Variants in VPS8 observed in about 807,000 individuals in gnomAD.
VPS8 encodes vacuolar protein sorting-associated protein 8 homolog.
VPS8 carries 129 observed loss-of-function variants against 216.4 expected under a neutral mutation model. The ratio of observed to expected loss-of-function variants is 0.60; its 90% CI spans 0.52 to 0.69. The LOEUF is 0.69. Among genes scored for constraint, VPS8 ranks in the 30% least tolerant of loss-of-function variants. VPS8 has a pLI of 0.00. For missense variants in VPS8, 1,531 were observed against 1,683.5 expected, an observed-to-expected ratio of 0.91 and a Z score of 1.59; for synonymous variants, 571 against 565.4, an observed-to-expected ratio of 1.01 and a Z score of -0.14.
At chr3:184,995,340 T>C (rs1752478339) in intron 43 of VPS8, among the ~76,000 whole-genome samples, 1 of 152,142 alleles carries the variant, frequency 6.6e-6, no homozygotes, top group South Asian at 2.1e-4. Flanking sequence ...TCTTAGAATG[T>C]TGTAAGAATT....
intron 31 of VPS8, among the ~76,000 whole-genome samples, chr3:184,927,993 C>T (rs1335583177): frequency 1.3e-5 from 2 of 152,182 alleles, no homozygotes; most frequent in Non-Finnish European, 2.9e-5. Context: ...ATTGTTTCCA[C>T]CCTTTGGCTA....
chr3:184,902,445 T>C (rs1035831009), intron 25 of VPS8, among the ~76,000 whole-genome samples: 5 of 151,722 alleles, frequency 3.3e-5, no homozygotes, highest in African/African-American at 1.2e-4. Context: ...CACTTGCCAC[T>C]GCTCTCCAGC....
chr3:184,912,345 T>C (rs931602698), intron 25 of VPS8, among the ~76,000 whole-genome samples: 2 of 152,196 alleles, frequency 1.3e-5, no homozygotes, highest in Non-Finnish European at 2.9e-5. Context: ...AGTCTTATCT[T>C]TGTCCAGTGC....
At chr3:184,961,918 CA>C (rs1746600568) in intron 37 of VPS8, among the ~76,000 whole-genome samples, 1 of 152,154 alleles carries the variant, frequency 6.6e-6, no homozygotes, top group African/African-American at 2.4e-5. Context: ...AGGTGCACAC[CA>C]CCGTGCTAAT....
chr3:184,894,641 A>G (rs1039530788), intron 22 of VPS8, 62 bp from the exon 23 acceptor site: 4 of 1,278,336 alleles, frequency 3.1e-6, no homozygotes, highest in Admixed American at 4.4e-5. Context: ...TATTTGGGAG[A>G]CTAAATTTAA....
At chr3:184,867,484 T>C (rs1236646290) in intron 17 of VPS8, among the ~76,000 whole-genome samples, 2 of 152,212 alleles carry the variant, frequency 1.3e-5, no homozygotes, top group Non-Finnish European at 2.9e-5. Context: ...GCTTGGGCTT[T>C]CCTTGCTTCT....
chr3:184,846,690 A>C (rs970562072), intron 8 of VPS8, among the ~76,000 whole-genome samples: 3 of 152,266 alleles, frequency 2.0e-5, no homozygotes, highest in African/African-American at 7.2e-5. Context: ...TCCAAACTCC[A>C]GGGTATGAAA....
chr3:185,024,459 T>C, intron 46 of VPS8, 70 bp downstream of exon 46: 1 of 1,438,098 alleles, frequency 7.0e-7, no homozygotes, highest in African/African-American at 1.4e-5. Context: ...TGGAACAATA[T>C]TCTCAACATG....
chr3:185,025,176 G>A (rs1227561977), intron 46 of VPS8, among the ~76,000 whole-genome samples: 1 of 152,080 alleles, frequency 6.6e-6, no homozygotes, highest in Admixed American at 6.6e-5. Context: ...CCACAGATAG[G>A]GTATGACTGA....
chr3:184,910,043 C>T (rs900888638), intron 25 of VPS8, among the ~76,000 whole-genome samples: 2 of 151,672 alleles, frequency 1.3e-5, no homozygotes, highest in Non-Finnish European at 2.9e-5. Context: ...CTGATCCACA[C>T]GCATGGGTCA....
intron 3 of VPS8, among the ~76,000 whole-genome samples, chr3:184,829,003 C>G (rs966362932): frequency 6.6e-6 from 1 of 152,142 alleles, no homozygotes; most frequent in African/African-American, 2.4e-5. Flanking sequence ...TTTTCTGTTT[C>G]TGACTTCTTT....
intron 21 of VPS8, among the ~76,000 whole-genome samples, chr3:184,884,875 T>A (rs1412999464): frequency 1.3e-5 from 2 of 152,212 alleles, no homozygotes; most frequent in Non-Finnish European, 2.9e-5. Flanking sequence ...TCTTAGGAGC[T>A]CAGCTATGTA....
At chr3:184,871,680 G>A (rs1728378279) in intron 21 of VPS8, among the ~76,000 whole-genome samples, 1 of 152,112 alleles carries the variant, frequency 6.6e-6, no homozygotes, top group Non-Finnish European at 1.5e-5. Flanking sequence ...CTGGGCAATA[G>A]TAAAATTTAC....
intron 20 of VPS8, 130 bp downstream of exon 20, chr3:184,869,658 C>CA: frequency 1.2e-6 from 1 of 809,576 alleles, no homozygotes; most frequent in Non-Finnish European, 1.9e-6. Flanking sequence ...CACACACACA[C>CA]ACAGACACAC....
chr3:184,982,786 T>TTCATTAA, intron 41 of VPS8, 139 bp downstream of exon 41: 1 of 762,354 alleles, frequency 1.3e-6, no homozygotes, highest in Non-Finnish European at 2.1e-6. Context: ...ATAGTATGGT[T>TTCATTAA]GATCTCATCT....
chr3:184,891,574 A>G (rs963154230), intron 22 of VPS8, among the ~76,000 whole-genome samples: 2 of 152,146 alleles, frequency 1.3e-5, no homozygotes, highest in Non-Finnish European at 2.9e-5. Flanking sequence ...AAAGTATACA[A>G]TTCAGTAGTT....
intron 45 of VPS8, among the ~76,000 whole-genome samples, chr3:185,021,848 G>A (rs1434619210): frequency 6.6e-6 from 1 of 152,202 alleles, no homozygotes; most frequent in Non-Finnish European, 1.5e-5. Flanking sequence ...CTGTACTGTA[G>A]TCTCTTATAA....
chr3:184,838,011 T>C (rs1226146704), intron 5 of VPS8, among the ~76,000 whole-genome samples: 3 of 152,254 alleles, frequency 2.0e-5, no homozygotes, highest in Non-Finnish European at 4.4e-5. Flanking sequence ...CTTAGGGTTA[T>C]TTAAAGCTAT....
chr3:184,958,415 C>T (rs1745966430), intron 37 of VPS8, among the ~76,000 whole-genome samples: 1 of 152,144 alleles, frequency 6.6e-6, no homozygotes, highest in Non-Finnish European at 1.5e-5. Flanking sequence ...ATGTTTGGAG[C>T]AGTCTCTAAG....
Sources: allele counts gnomAD v4.1 joint callset (sites outside exome capture counted in the v4.1 genomes callset), GRCh38; gene constraint gnomAD v4.1.1; transcripts MANE v1.5; gene names NCBI Gene and HGNC (gene_info 2026-07-23, HGNC 2026-07-21).